The following ADAM7 variants were observed in gnomAD, a reference collection of about 807,000 sequenced individuals.
ADAM7 encodes disintegrin and metalloproteinase domain-containing protein 7.
Under a neutral mutation model 102.9 loss-of-function variants are expected in ADAM7, and 97 were observed. The observed-to-expected ratio is 0.94, with a 90% CI of 0.80 to 1.12. The LOEUF is 1.12. Among genes scored for constraint, ADAM7 ranks in the 50% most tolerant of loss-of-function variants. ADAM7 has a pLI of 0.00. For missense variants in ADAM7, 991 were observed against 908.7 expected (o/e 1.09, Z -1.16); for synonymous variants, 334 against 304.4 (o/e 1.10, Z -1.01).
intron 7 of ADAM7, 149 bp from the exon 8 acceptor site, chr8:24,476,284 G>C: frequency 1.7e-6 from 1 of 574,874 alleles, no homozygotes; most frequent in Non-Finnish European, 3.0e-6. Context: ...TATTTAAGTT[G>C]TCTAGTTTTT....
chr8:24,487,647 GAAAA>G (rs1054240692), intron 11 of ADAM7, among the ~76,000 whole-genome samples: 1 of 146,624 alleles, frequency 6.8e-6, no homozygotes, highest in African/African-American at 2.5e-5. Context: ...AAAAAAAAAA[GAAAA>G]AAAAAGAAAA....
chr8:24,488,711 A>G (rs1820231174), intron 11 of ADAM7, among the ~76,000 whole-genome samples: 1 of 152,190 alleles, frequency 6.6e-6, no homozygotes, highest in Non-Finnish European at 1.5e-5. Flanking sequence ...ATTATTAAAT[A>G]AACTGTTTGT....
chr8:24,467,935 T>A (rs1296991135), intron 6 of ADAM7, among the ~76,000 whole-genome samples: 1 of 151,834 alleles, frequency 6.6e-6, no homozygotes, highest in Non-Finnish European at 1.5e-5. Context: ...AGTAGTGGTG[T>A]GCGCCTGTAA....
chr8:24,475,734 T>G (rs997294263), intron 7 of ADAM7, among the ~76,000 whole-genome samples: 2 of 152,166 alleles, frequency 1.3e-5, no homozygotes, highest in African/African-American at 4.8e-5. Context: ...ATTTTTATTA[T>G]GAAAGAAGTT....
rs1821046550 is a variant in ADAM7, at chr8:24,509,480, C to G, written c.*934C>G. Reference sequence around the variant, plus strand: ...TAAAGCTACATGCATTATTTTTTTTCCATTTACTGAAATAAAGTTTTCAAG... The same window carrying G: ...TAAAGCTACATGCATTATTTTTTTTGCATTTACTGAAATAAAGTTTTCAAG... On this transcript the variant is annotated 3_prime_UTR_variant, in exon 22 of 22. Transcript: ENST00000175238. 4 of 983,546 alleles carry G rather than the reference C, an allele frequency of 4.1e-6. No individual in the cohort carries two copies. In the South Asian group the frequency reaches 1.4e-4, roughly 35 times the overall value. 60.9% of individuals were successfully genotyped at this position (983,546 alleles called of 1,614,324 possible). A position where few individuals can be genotyped will look rare whatever the true frequency, so the allele number is the denominator to read the frequency against.
intron 3 of ADAM7, among the ~76,000 whole-genome samples, chr8:24,463,081 GA>G (rs1180378919): frequency 6.6e-6 from 1 of 152,104 alleles, no homozygotes; most frequent in Non-Finnish European, 1.5e-5. Flanking sequence ...CACCTGTACA[GA>G]AAAAGTTTGC....
chr8:24,476,471 C>T lies in ADAM7; in HGVS notation c.672C>T (p.Asn224=). 3 of 1,608,706 alleles carry T rather than the reference C, an allele frequency of 1.9e-6. No individual in the cohort carries two copies. The highest frequency in any genetic ancestry group is 1.7e-6 in the Non-Finnish European group (2 of 1,176,566). ...RNGHPHNKLR[N]RIWGMVNFVN... is the part of the protein sequence containing the mutation. ...GTCATCCTCACAATAAACTAAGGAACCGAATTTGGGGAATGGTCAATTTTG... is the reference window on the plus strand; with the variant it reads ...GTCATCCTCACAATAAACTAAGGAATCGAATTTGGGGAATGGTCAATTTTG... The change falls in exon 8 of 22, where the codon AAC becomes AAT. Residue 224 remains asparagine (N), a synonymous_variant. Coordinates refer to ENST00000175238, the MANE Select transcript of ADAM7 (RefSeq NM_003817.4).
At chr8:24,491,087 C>G (rs1363673197) in intron 13 of ADAM7, among the ~76,000 whole-genome samples, 199 bp downstream of exon 13, 3 of 152,128 alleles carry the variant, frequency 2.0e-5, no homozygotes, top group African/African-American at 7.2e-5. Flanking sequence ...AGTGGAGAAA[C>G]ATCAAGTAGC....
chr8:24,450,032 A>G (rs933576795), intron 3 of ADAM7, among the ~76,000 whole-genome samples: 1 of 152,162 alleles, frequency 6.6e-6, no homozygotes, highest in Non-Finnish European at 1.5e-5. Flanking sequence ...TATGAGTACC[A>G]TGCTGTTTTG....
At chr8:24,449,553 T>C (rs1398469468) in intron 3 of ADAM7, among the ~76,000 whole-genome samples, 2 of 152,228 alleles carry the variant, frequency 1.3e-5, no homozygotes, top group African/African-American at 4.8e-5. Flanking sequence ...ATATTAGCCC[T>C]TTGTCAGATA....
At position 24,492,723 on chromosome 8, in the gene ADAM7, G is replaced by A. The variant is rs538545111; in HGVS notation, c.1655+126G>A. 6.1e-5 allele frequency: 40 copies of A among 652,878 alleles called. No individual in the cohort carries two copies. In the African/African-American group the frequency reaches 6.3e-4, roughly 10 times the overall value. The allele number at this position is 652,878 out of a possible 1,614,324, so 40.4% of individuals were successfully genotyped here. ...ACCGGGAGAAGAGGGAAATAAGAAGGAAATCTTGGTGTCCTGATTAAAATT... is the reference window on the plus strand; with the variant it reads ...ACCGGGAGAAGAGGGAAATAAGAAGAAAATCTTGGTGTCCTGATTAAAATT... On this transcript the variant is annotated intron_variant, in intron 15 of 21. Transcript: ENST00000175238.
chr8:24,495,628 G>A (rs1389563438), intron 16 of ADAM7, among the ~76,000 whole-genome samples: 1 of 152,124 alleles, frequency 6.6e-6, no homozygotes, highest in Non-Finnish European at 1.5e-5. Flanking sequence ...TGAATGTAAG[G>A]TGAAACAGGA....
chr8:24,475,805 G>A (rs2129385925), intron 7 of ADAM7: 1 of 385,432 alleles, frequency 2.6e-6, no homozygotes, highest in East Asian at 7.3e-5. Flanking sequence ...ATTTGATCAG[G>A]TCTAAATTGA....
chr8:24,457,704 A>C (rs1819088014), intron 3 of ADAM7, among the ~76,000 whole-genome samples: 1 of 152,170 alleles, frequency 6.6e-6, no homozygotes, highest in Admixed American at 6.5e-5. Context: ...TTAATTTATC[A>C]GTTTCTTTCT....
chr8:24,457,664 C>T (rs1322098037), intron 3 of ADAM7, among the ~76,000 whole-genome samples: 1 of 152,102 alleles, frequency 6.6e-6, no homozygotes, highest in Non-Finnish European at 1.5e-5. Flanking sequence ...TGTCTTTTAA[C>T]AAGTAAAAAT....
At chr8:24,503,040 T>G (rs1229796381) in intron 20 of ADAM7, among the ~76,000 whole-genome samples, 1 of 152,136 alleles carries the variant, frequency 6.6e-6, no homozygotes, top group Non-Finnish European at 1.5e-5. Context: ...GGATAATGAA[T>G]CATGATCAAG....
At chr8:24,493,016 AG>A (rs752936178) in intron 15 of ADAM7, 26 bp from the exon 16 acceptor site, 1 of 1,544,086 alleles carries the variant, frequency 6.5e-7, no homozygotes, top group East Asian at 2.4e-5. Context: ...TCTAGTTCCA[AG>A]TTTGAATATT....
At chr8:24,465,367 G>A (rs1004367855) in intron 4 of ADAM7, among the ~76,000 whole-genome samples, 10 of 152,044 alleles carry the variant, frequency 6.6e-5, no homozygotes, top group Non-Finnish European at 1.2e-4. Flanking sequence ...GGCTAGTTTC[G>A]TAAAAATTTT....
rs1257622279 is a variant in ADAM7, at chr8:24,500,737, C to T, written c.2003-53C>T. On this transcript the variant is annotated intron_variant, in intron 18 of 21. Coordinates refer to ENST00000175238, the MANE Select transcript of ADAM7 (RefSeq NM_003817.4). Reference sequence around the variant, plus strand: ...ACAGCTCCATTAAATGTTAATATTCCACTGTTTTACAACTGATACCCTCGA... The same window carrying T: ...ACAGCTCCATTAAATGTTAATATTCTACTGTTTTACAACTGATACCCTCGA... 7 of 1,418,330 alleles carry T rather than the reference C, an allele frequency of 4.9e-6. No individual in the cohort carries two copies. The Admixed American group carries it at 5.3e-5, about 11-fold the overall frequency. 87.9% of individuals were successfully genotyped at this position (1,418,330 alleles called of 1,614,324 possible). A position where few individuals can be genotyped will look rare whatever the true frequency, so the allele number is the denominator to read the frequency against.
Sources: gnomAD v4.1 joint callset for allele counts (sites outside exome capture counted in the v4.1 genomes callset) on GRCh38, gnomAD v4.1.1 for gene constraint, MANE v1.5 for transcripts, NCBI Gene and HGNC (gene_info 2026-07-23, HGNC 2026-07-21) for gene names.